The following CTNNA3 variants were observed in gnomAD, a reference collection of about 807,000 sequenced individuals.
CTNNA3 encodes catenin alpha-3.
A neutral mutation model predicts 95.7 loss-of-function variants in CTNNA3; 76 were observed. The ratio of observed to expected loss-of-function variants is 0.79; its 90% CI spans 0.66 to 0.96. The LOEUF (loss-of-function observed/expected upper bound fraction) is 0.96. Among genes scored for constraint, CTNNA3 ranks in the 40% least tolerant of loss-of-function variants. The probability of loss-of-function intolerance (pLI) is 0.00; values close to 1 mark genes in which losing one functional copy is unlikely to be tolerated. For synonymous variants in CTNNA3, 431 were observed against 374.4 expected (o/e 1.15, Z -1.74); for missense variants, 1,191 against 1,089.8 (o/e 1.09, Z -1.31).
At chr10:66,896,697 C>T (rs942187764) in intron 7 of CTNNA3, among the ~76,000 whole-genome samples, 1 of 152,182 alleles carries the variant, frequency 6.6e-6, no homozygotes, top group Non-Finnish European at 1.5e-5. Context: ...CAGTCACGGC[C>T]TTCCTCATCT....
At chr10:67,163,566 G>A (rs1861640021) in intron 7 of CTNNA3, among the ~76,000 whole-genome samples, 1 of 151,942 alleles carries the variant, frequency 6.6e-6, no homozygotes, top group African/African-American at 2.4e-5. Flanking sequence ...AGGCAACAAA[G>A]CAAGGATATC....
intron 9 of CTNNA3, among the ~76,000 whole-genome samples, chr10:66,744,440 C>T (rs1321095943): frequency 1.3e-5 from 2 of 152,110 alleles, no homozygotes; most frequent in African/African-American, 4.8e-5. Flanking sequence ...AAAAGGTTAA[C>T]ATTTTGTCAA....
At chr10:66,978,736 C>T (rs2132867794) in intron 7 of CTNNA3, among the ~76,000 whole-genome samples, 1 of 148,186 alleles carries the variant, frequency 6.7e-6, no homozygotes, top group Non-Finnish European at 1.5e-5. Flanking sequence ...CTAAACCTGT[C>T]ACATTATTTT....
intron 12 of CTNNA3, among the ~76,000 whole-genome samples, chr10:66,333,724 T>C (rs1389008820): frequency 1.3e-5 from 2 of 151,290 alleles, no homozygotes; most frequent in Admixed American, 1.3e-4. Context: ...AGGTGGAGAG[T>C]TCTGTAGATG....
chr10:66,095,620 G>C (rs2081360972), intron 14 of CTNNA3, among the ~76,000 whole-genome samples: 1 of 151,952 alleles, frequency 6.6e-6, no homozygotes, highest in Non-Finnish European at 1.5e-5. Flanking sequence ...CTATTTCATA[G>C]TGAAGGATAT....
chr10:66,573,570 T>C (rs557212710), intron 10 of CTNNA3, among the ~76,000 whole-genome samples: 1 of 152,336 alleles, frequency 6.6e-6, no homozygotes, highest in Non-Finnish European at 1.5e-5. Context: ...GAGAAATTCT[T>C]CTTTATGGCT....
chr10:66,840,209 A>G (rs142424239), intron 7 of CTNNA3, among the ~76,000 whole-genome samples: 29 of 152,252 alleles, frequency 1.9e-4, no homozygotes, highest in Non-Finnish European at 3.5e-4. Flanking sequence ...TGACTGAATT[A>G]GATGGAATAT....
chr10:67,091,040 T>C (rs2131909056), intron 7 of CTNNA3, among the ~76,000 whole-genome samples: 1 of 152,174 alleles, frequency 6.6e-6, no homozygotes, highest in South Asian at 2.1e-4. Context: ...TTCTTAATAT[T>C]ACTCAAATAA....
intron 14 of CTNNA3, among the ~76,000 whole-genome samples, chr10:66,099,671 A>T (rs2081539145): frequency 6.6e-6 from 1 of 152,176 alleles, no homozygotes; most frequent in African/African-American, 2.4e-5. Flanking sequence ...TGTTATTGGT[A>T]CCAAATTATC....
intron 7 of CTNNA3, among the ~76,000 whole-genome samples, chr10:66,881,164 G>T (rs1202119045): frequency 2.0e-5 from 3 of 152,028 alleles, no homozygotes; most frequent in African/African-American, 7.2e-5. Context: ...TCTCTAAAAG[G>T]AAGGAAACAG....
intron 13 of CTNNA3, among the ~76,000 whole-genome samples, chr10:66,233,114 C>G (rs1411886907): frequency 1.5e-5 from 2 of 135,172 alleles, no homozygotes; most frequent in South Asian, 2.3e-4. Context: ...GAGCCGAGAT[C>G]GCGCCACTGC....
chr10:67,324,143 T>C (rs1841445305), intron 5 of CTNNA3, among the ~76,000 whole-genome samples: 1 of 152,170 alleles, frequency 6.6e-6, no homozygotes, highest in Non-Finnish European at 1.5e-5. Context: ...GATGAAGTTT[T>C]CTAGTTATAG....
intron 13 of CTNNA3, among the ~76,000 whole-genome samples, chr10:66,150,832 A>T (rs1398800331): frequency 6.6e-6 from 1 of 151,944 alleles, no homozygotes; most frequent in Non-Finnish European, 1.5e-5. Flanking sequence ...TTAAGGTAAA[A>T]ACTTATCTTT....
chr10:67,007,037 C>A (rs1033452959), intron 7 of CTNNA3, among the ~76,000 whole-genome samples: 11 of 152,280 alleles, frequency 7.2e-5, no homozygotes, highest in Admixed American at 5.9e-4. Flanking sequence ...CTCAAATGAT[C>A]CACCCTGCTC....
intron 10 of CTNNA3, among the ~76,000 whole-genome samples, chr10:66,618,880 C>T (rs1844632601): frequency 6.6e-6 from 1 of 151,996 alleles, no homozygotes; most frequent in Non-Finnish European, 1.5e-5. Flanking sequence ...AACAAACAAC[C>T]CCATCAAAAA....
At chr10:67,591,565 A>G (rs1842787725) in intron 3 of CTNNA3, among the ~76,000 whole-genome samples, 2 of 152,164 alleles carry the variant, frequency 1.3e-5, no homozygotes, top group Admixed American at 1.3e-4. Context: ...AGTTGGATTC[A>G]ATGTCACATA....
intron 7 of CTNNA3, among the ~76,000 whole-genome samples, chr10:66,962,150 G>T (rs1291010551): frequency 6.6e-6 from 1 of 152,086 alleles, no homozygotes; most frequent in Non-Finnish European, 1.5e-5. Flanking sequence ...TCACTTTCCT[G>T]TTCAAAACCC....
chr10:67,268,870 C>A (rs868026840), intron 5 of CTNNA3, among the ~76,000 whole-genome samples: 1 of 151,830 alleles, frequency 6.6e-6, no homozygotes, highest in Non-Finnish European at 1.5e-5. Flanking sequence ...TTATAATCTT[C>A]CAAGGAATAT....
intron 13 of CTNNA3, among the ~76,000 whole-genome samples, chr10:66,273,236 T>G (rs10997027): frequency 6.6e-6 from 1 of 151,982 alleles, no homozygotes; most frequent in Non-Finnish European, 1.5e-5. Context: ...TAAGGGTTAC[T>G]TGAACACAAG....
Sources: allele counts gnomAD v4.1 joint callset (sites outside exome capture counted in the v4.1 genomes callset), GRCh38; gene constraint gnomAD v4.1.1; transcripts MANE v1.5; gene names NCBI Gene and HGNC (gene_info 2026-07-23, HGNC 2026-07-21).